Variants in CNTNAP2 observed in about 807,000 individuals in gnomAD.
The protein encoded by CNTNAP2 is contactin associated protein 2.
CNTNAP2 carries 98 observed loss-of-function variants against 155.2 expected under a neutral mutation model. That is an observed-to-expected ratio of 0.63 (90% CI 0.54 to 0.75). The LOEUF (loss-of-function observed/expected upper bound fraction) is 0.75, where lower values mean the gene tolerates loss of function less well. Ranked by LOEUF, CNTNAP2 falls within the 30% of genes least tolerant of loss-of-function variation. The pLI, the probability that CNTNAP2 is intolerant of heterozygous loss-of-function variation, is 0.00. For synonymous variants in CNTNAP2, 651 were observed against 631.2 expected (o/e 1.03, Z -0.47); for missense variants, 1,727 against 1,688.1 (o/e 1.02, Z -0.40).
At chr7:148,374,107 C>G (rs911021396) in intron 21 of CNTNAP2, among the ~76,000 whole-genome samples, 3 of 152,180 alleles carry the variant, frequency 2.0e-5, no homozygotes, top group Non-Finnish European at 4.4e-5. Context: ...TTGACTGGCT[C>G]ATGGCCCTGG....
At chr7:146,674,738 T>A (rs754758676) in intron 1 of CNTNAP2, among the ~76,000 whole-genome samples, 1 of 151,996 alleles carries the variant, frequency 6.6e-6, no homozygotes, top group Non-Finnish European at 1.5e-5. Context: ...AGAGACTAGA[T>A]AAAGAAAAGG....
At chr7:146,811,026 T>C (rs925834635) in intron 2 of CNTNAP2, among the ~76,000 whole-genome samples, 1 of 152,174 alleles carries the variant, frequency 6.6e-6, no homozygotes, top group Non-Finnish European at 1.5e-5. Context: ...AACTGTTTAG[T>C]TCACTTTTTC....
At chr7:147,412,254 TC>T (rs1797115850) in intron 10 of CNTNAP2, among the ~76,000 whole-genome samples, 1 of 152,128 alleles carries the variant, frequency 6.6e-6, no homozygotes, top group South Asian at 2.1e-4. Context: ...CACATCACTC[TC>T]CTCCATCCCC....
At chr7:147,096,349 A>G (rs1243880999) in intron 4 of CNTNAP2, among the ~76,000 whole-genome samples, 1 of 152,198 alleles carries the variant, frequency 6.6e-6, no homozygotes, top group Admixed American at 6.5e-5. Context: ...TATTGTTTGA[A>G]TAACACCAGC....
intron 1 of CNTNAP2, among the ~76,000 whole-genome samples, chr7:146,208,233 T>A (rs889662845): frequency 1.2e-4 from 19 of 152,084 alleles, no homozygotes; most frequent in African/African-American, 4.3e-4. Context: ...GAATAAAAAC[T>A]GCTAGGCATT....
intron 22 of CNTNAP2, among the ~76,000 whole-genome samples, chr7:148,404,718 C>G (rs1196836015): frequency 6.6e-6 from 1 of 152,072 alleles, no homozygotes; most frequent in Non-Finnish European, 1.5e-5. Flanking sequence ...CTCTTGGTAC[C>G]CAGGTCCTTG....
At chr7:147,549,640 T>G (rs186324570) in intron 11 of CNTNAP2, among the ~76,000 whole-genome samples, 2 of 152,188 alleles carry the variant, frequency 1.3e-5, no homozygotes, top group African/African-American at 4.8e-5. Context: ...TTGACAGATA[T>G]GGTAAGACCA....
At chr7:146,639,632 C>T (rs1464838631) in intron 1 of CNTNAP2, among the ~76,000 whole-genome samples, 1 of 152,200 alleles carries the variant, frequency 6.6e-6, no homozygotes, top group Non-Finnish European at 1.5e-5. Flanking sequence ...CCCAACCCCT[C>T]CTCCAGGGAG....
intron 8 of CNTNAP2, among the ~76,000 whole-genome samples, chr7:147,145,294 G>A (rs911260220): frequency 6.6e-6 from 1 of 152,144 alleles, no homozygotes; most frequent in Admixed American, 6.5e-5. Context: ...ACCCCCAGGG[G>A]ATATTTGGCA....
At chr7:148,391,465 G>T (rs1799347391) in intron 22 of CNTNAP2, among the ~76,000 whole-genome samples, 2 of 121,852 alleles carry the variant, frequency 1.6e-5, no homozygotes, top group African/African-American at 9.4e-5. Context: ...AAACAATTCT[G>T]CTCTATTGGA....
chr7:146,886,983 C>A (rs971165152), intron 3 of CNTNAP2, among the ~76,000 whole-genome samples: 2 of 151,728 alleles, frequency 1.3e-5, no homozygotes, highest in Non-Finnish European at 2.9e-5. Context: ...CCTAATATTT[C>A]TGCCATGTAA....
chr7:148,272,355 A>G (rs1454408175), intron 21 of CNTNAP2, among the ~76,000 whole-genome samples: 2 of 152,210 alleles, frequency 1.3e-5, no homozygotes, highest in African/African-American at 2.4e-5. Flanking sequence ...TCTTTCAGCA[A>G]CAAATTTAAT....
At chr7:147,324,383 G>A (rs9969115) in intron 9 of CNTNAP2, among the ~76,000 whole-genome samples, 74,626 of 151,946 alleles carry the variant, frequency 0.49, 19,485 homozygotes, top group East Asian at 0.73. Flanking sequence ...CATGATTTAA[G>A]CATTTTTATT....
chr7:148,051,119 GCCTATACA>G (rs1182029494), intron 15 of CNTNAP2, among the ~76,000 whole-genome samples: 2 of 152,040 alleles, frequency 1.3e-5, no homozygotes, highest in East Asian at 3.9e-4. Flanking sequence ...AGTTCATTTT[GCCTATACA>G]CTATAAGTTT....
rs140516304 is a variant in CNTNAP2, at chr7:146,942,363, C to T, written c.403-101544C>T. 7.5e-4 allele frequency among the ~76,000 whole-genome samples: 114 copies of T among 151,994 alleles called. 4 individuals are homozygous for T. In the East Asian group the frequency reaches 0.016, roughly 21 times the overall value. On this transcript the variant is annotated intron_variant, in intron 3 of 23. Coordinates refer to ENST00000361727, the MANE Select transcript of CNTNAP2 (RefSeq NM_014141.6). The stretch of plus-strand genomic sequence containing the variant: ...GCAGAGAGAATAAGATATGTGAAGG[C>T]GCTCATCAAATTCAAATAAATGACA...
intron 1 of CNTNAP2, among the ~76,000 whole-genome samples, chr7:146,749,582 G>A (rs758227624): frequency 5.3e-5 from 8 of 152,146 alleles, no homozygotes; most frequent in South Asian, 2.1e-4. Flanking sequence ...GACTATCCAT[G>A]CAAATTAAAT....
chr7:147,855,383 G>T (rs1584993032), intron 13 of CNTNAP2, among the ~76,000 whole-genome samples: 1 of 151,924 alleles, frequency 6.6e-6, no homozygotes, highest in East Asian at 1.9e-4. Flanking sequence ...TTTCTTCTCA[G>T]ACCTAGGATT....
intron 3 of CNTNAP2, among the ~76,000 whole-genome samples, chr7:146,890,438 A>G (rs1056281373): frequency 2.6e-5 from 4 of 152,200 alleles, no homozygotes; most frequent in African/African-American, 9.6e-5. Flanking sequence ...GCTTTTCAAC[A>G]TAGACATGGC....
chr7:147,495,889 C>G (rs987647138), intron 11 of CNTNAP2, among the ~76,000 whole-genome samples: 1 of 152,164 alleles, frequency 6.6e-6, no homozygotes, highest in African/African-American at 2.4e-5. Flanking sequence ...CTATTTACAG[C>G]CACTCCCCAT....
Sources: gnomAD v4.1 joint callset for allele counts (sites outside exome capture counted in the v4.1 genomes callset) on GRCh38, gnomAD v4.1.1 for gene constraint, MANE v1.5 for transcripts, NCBI Gene and HGNC (gene_info 2026-07-23, HGNC 2026-07-21) for gene names.